KCTD16: variants seen among roughly 807,000 people sequenced by gnomAD.
The protein encoded by KCTD16 is potassium channel tetramerization domain containing 16.
Under a neutral mutation model 33.2 loss-of-function variants are expected in KCTD16, and 13 were observed. The observed-to-expected ratio is 0.39, with a 90% confidence interval of 0.25 to 0.62. The LOEUF is 0.62. Ranked by LOEUF, KCTD16 falls within the 20% of genes least tolerant of loss-of-function variation. KCTD16 has a pLI of 0.50. For missense variants in KCTD16, 441 were observed against 525.1 expected (o/e 0.84, Z 1.57); for synonymous variants, 197 against 195.3 (o/e 1.01, Z -0.07).
At chr5:144,319,327 G>A (rs958171660) in intron 3 of KCTD16, among the ~76,000 whole-genome samples, 10 of 151,662 alleles carry the variant, frequency 6.6e-5, no homozygotes, top group African/African-American at 1.9e-4. Context: ...AGCTAGTTGT[G>A]TGAGATCTAC....
chr5:144,300,848 T>C (rs961339521), intron 3 of KCTD16, among the ~76,000 whole-genome samples: 5 of 152,134 alleles, frequency 3.3e-5, no homozygotes, highest in African/African-American at 1.2e-4. Context: ...ACCTCACAGG[T>C]ACAGAGTAAG....
chr5:144,453,916 C>G (rs1034821210), intron 3 of KCTD16, among the ~76,000 whole-genome samples: 13 of 152,078 alleles, frequency 8.5e-5, no homozygotes, highest in African/African-American at 3.1e-4. Flanking sequence ...AAGTGAGGCC[C>G]CGTTTACTCT....
At chr5:144,288,627 G>A (rs955550007) in intron 3 of KCTD16, among the ~76,000 whole-genome samples, 1 of 152,126 alleles carries the variant, frequency 6.6e-6, no homozygotes, top group African/African-American at 2.4e-5. Flanking sequence ...TAAATCAGAG[G>A]ATACATTCCT....
chr5:144,288,830 G>A (rs779986268), intron 3 of KCTD16, among the ~76,000 whole-genome samples: 12 of 152,030 alleles, frequency 7.9e-5, no homozygotes, highest in Non-Finnish European at 1.6e-4. Context: ...AGTTAGCTGT[G>A]GTGCATGCCT....
chr5:144,459,291 G>A (rs1042121878), intron 3 of KCTD16, among the ~76,000 whole-genome samples: 6 of 152,070 alleles, frequency 3.9e-5, no homozygotes, highest in Admixed American at 2.0e-4. Flanking sequence ...CTGAACACCT[G>A]TAATGGCCTC....
At chr5:144,452,603 G>T (rs1012660470) in intron 3 of KCTD16, among the ~76,000 whole-genome samples, 2 of 151,962 alleles carry the variant, frequency 1.3e-5, no homozygotes, top group Non-Finnish European at 2.9e-5. Context: ...CTAGATAAAA[G>T]TAGAGTATCT....
At chr5:144,186,605 A>T (rs10477237) in intron 2 of KCTD16, among the ~76,000 whole-genome samples, 7,512 of 152,260 alleles carry the variant, frequency 0.049, 233 homozygotes, top group African/African-American at 0.093. Flanking sequence ...TTAAAAAACC[A>T]GTTTGTTTAA....
intron 2 of KCTD16, among the ~76,000 whole-genome samples, chr5:144,204,730 A>G (rs1437429182): frequency 2.6e-5 from 4 of 152,122 alleles, no homozygotes; most frequent in Admixed American, 2.6e-4. Flanking sequence ...TTGAAAGAGC[A>G]TCATTAATTT....
At chr5:144,359,632 C>G (rs1250039615) in intron 3 of KCTD16, among the ~76,000 whole-genome samples, 2 of 151,134 alleles carry the variant, frequency 1.3e-5, no homozygotes, top group African/African-American at 4.9e-5. Flanking sequence ...TATCTGGAGA[C>G]ATTTTTGGTT....
intron 3 of KCTD16, 90 bp downstream of exon 3, chr5:144,207,636 A>C (rs1753229072): frequency 1.1e-6 from 1 of 945,976 alleles, no homozygotes; most frequent in Admixed American, 2.4e-5. Flanking sequence ...TACCTAAGGA[A>C]CATGGTTTGG....
chr5:144,459,182 A>G (rs1418000541), intron 3 of KCTD16, among the ~76,000 whole-genome samples: 1 of 152,156 alleles, frequency 6.6e-6, no homozygotes, highest in African/African-American at 2.4e-5. Context: ...CTAATTTATG[A>G]GCCTCACTTT....
chr5:144,281,791 T>A (rs533315144), intron 3 of KCTD16, among the ~76,000 whole-genome samples: 4 of 152,214 alleles, frequency 2.6e-5, no homozygotes, highest in African/African-American at 9.6e-5. Context: ...TGTTAAAGTT[T>A]CCACCCGTAA....
intron 3 of KCTD16, among the ~76,000 whole-genome samples, chr5:144,446,708 A>C (rs1423630708): frequency 6.6e-6 from 1 of 152,190 alleles, no homozygotes; most frequent in Non-Finnish European, 1.5e-5. Context: ...AGACATTTAC[A>C]AGAAAAAAAC....
chr5:144,238,182 A>G (rs1052213364), intron 3 of KCTD16, among the ~76,000 whole-genome samples: 1 of 152,166 alleles, frequency 6.6e-6, no homozygotes, highest in Non-Finnish European at 1.5e-5. Flanking sequence ...ATATTTTTGC[A>G]GTGAAGGAGG....
intron 3 of KCTD16, among the ~76,000 whole-genome samples, chr5:144,431,159 A>G (rs1753450881): frequency 6.6e-6 from 1 of 152,182 alleles, no homozygotes; most frequent in African/African-American, 2.4e-5. Flanking sequence ...AACTCATTGC[A>G]TATTTAAATG....
chr5:144,468,936 G>A (rs965005621), intron 3 of KCTD16, among the ~76,000 whole-genome samples: 2 of 152,192 alleles, frequency 1.3e-5, no homozygotes, highest in African/African-American at 4.8e-5. Flanking sequence ...ATATTCTGTA[G>A]TCTTTTCTGT....
Position 144,318,337 on chromosome 5 carries a change from T to C in KCTD16, c.832+110791T>C, listed in dbSNP as rs556214550. On this transcript the variant is annotated intron_variant, in intron 3 of 3. Coordinates refer to ENST00000512467, the MANE Select transcript of KCTD16 (RefSeq NM_020768.4). ...GATCTACCTTGATGTGCAAGGTACC[T>C]TGTTCACAGTTGTTACCAGTGAGAC... is the stretch of plus-strand genomic sequence containing the variant. Among the ~76,000 whole-genome samples, 354 of 152,312 alleles carry C rather than the reference T, an allele frequency of 2.3e-3. 2 individuals are homozygous for C. Among genetic ancestry groups the C allele is most frequent in the Non-Finnish European group, 3.2e-3 (220 of 68,032 alleles).
At chr5:144,289,455 G>T (rs542108529) in intron 3 of KCTD16, among the ~76,000 whole-genome samples, 13 of 152,164 alleles carry the variant, frequency 8.5e-5, no homozygotes, top group South Asian at 8.3e-4. Context: ...CCTTTCTTTT[G>T]TCTGCCTGGG....
chr5:144,323,753 A>T (rs1308758825), intron 3 of KCTD16, among the ~76,000 whole-genome samples: 2 of 152,164 alleles, frequency 1.3e-5, no homozygotes, highest in African/African-American at 4.8e-5. Flanking sequence ...ACATATAGAA[A>T]GATTTTCTTC....
Sources: allele counts gnomAD v4.1 joint callset (sites outside exome capture counted in the v4.1 genomes callset), GRCh38; gene constraint gnomAD v4.1.1; transcripts MANE v1.5; gene names NCBI Gene and HGNC (gene_info 2026-07-23, HGNC 2026-07-21).